Variants in NEDD9 observed in about 807,000 individuals in gnomAD.
NEDD9 encodes enhancer of filamentation 1.
NEDD9 carries 26 observed loss-of-function variants against 76.6 expected under a neutral mutation model. That is an observed-to-expected ratio of 0.34 (90% confidence interval 0.25 to 0.47). NEDD9 has a LOEUF of 0.47. Among genes scored for constraint, NEDD9 ranks in the 20% least tolerant of loss-of-function variants. The pLI, the probability that NEDD9 is intolerant of heterozygous loss-of-function variation, is 1.00. For missense variants in NEDD9, 937 were observed against 1,058.5 expected (o/e 0.89, Z 1.59); for synonymous variants, 392 against 414.2 (o/e 0.95, Z 0.65).
chr6:11,278,705 C>T (rs1217842818), intron 3 of NEDD9, among the ~76,000 whole-genome samples: 1 of 152,240 alleles, frequency 6.6e-6, no homozygotes, highest in Admixed American at 6.5e-5. Context: ...CTACTCAACA[C>T]AGTCACCTGG....
Position 11,190,822 on chromosome 6 carries a change from C to CA in NEDD9, c.1046dup (p.His350AlafsTer2). ...AGCCTTTAGCATCTGGCGGGTTATG[C>CA]AGAGGGACATCATAAACACCATCCC... is the stretch of plus-strand genomic sequence containing the variant. On this transcript the variant is annotated frameshift_variant, in exon 5 of 7. Transcript: ENST00000379446. LOFTEE classifies it high-confidence loss of function. This position sits in a 1 kb window ranked among gnomAD's most constrained non-coding sequence, Gnocchi z 5.8. 1 of 1,614,142 alleles carries CA rather than the reference C, an allele frequency of 6.2e-7. No homozygotes were observed.
At chr6:11,362,252 C>T (rs1762692207) in intron 1 of NEDD9, among the ~76,000 whole-genome samples, 1 of 152,192 alleles carries the variant, frequency 6.6e-6, no homozygotes, top group Non-Finnish European at 1.5e-5. Context: ...CCTCAACAGG[C>T]ACCCTATTTC....
At chr6:11,319,907 C>A (rs965014398) in intron 2 of NEDD9, among the ~76,000 whole-genome samples, 36 of 152,374 alleles carry the variant, frequency 2.4e-4, no homozygotes, top group African/African-American at 8.4e-4. Flanking sequence ...CTGTCTCCAA[C>A]TGTGAATTTG....
rs142694255 is a variant in NEDD9, at chr6:11,343,490, C to A, written c.-213-8929G>T. 2.4e-3 allele frequency among the ~76,000 whole-genome samples: 363 copies of A among 152,046 alleles called. 2 individuals are homozygous for A. The highest frequency in any genetic ancestry group is 4.1e-3 in the Non-Finnish European group (278 of 67,990). ...CCTGAGTACCCTATTTAAAACTGCACCCCACTACTCCACTACTCCCTAGCA... is the reference window on the plus strand; with the variant it reads ...CCTGAGTACCCTATTTAAAACTGCAACCCACTACTCCACTACTCCCTAGCA... On this transcript the variant is annotated intron_variant, in intron 1 of 3. Transcript: ENST00000397378.
chr6:11,259,643 A>G (rs1289524050), intron 3 of NEDD9, among the ~76,000 whole-genome samples: 1 of 152,212 alleles, frequency 6.6e-6, no homozygotes, highest in Non-Finnish European at 1.5e-5. Context: ...CCTTACAAAA[A>G]CAAATAATAC....
intron 3 of NEDD9, among the ~76,000 whole-genome samples, chr6:11,239,215 T>G (rs536317281): frequency 1.3e-5 from 2 of 152,300 alleles, no homozygotes; most frequent in South Asian, 4.1e-4. Flanking sequence ...TAGTCAGTTT[T>G]ATGTATATAA....
At chr6:11,333,677 A>G in intron 2 of NEDD9, among the ~76,000 whole-genome samples, 1 of 152,198 alleles carries the variant, frequency 6.6e-6, no homozygotes, top group East Asian at 1.9e-4. Context: ...GAGAATGCTC[A>G]CCAGGTGTGG....
chr6:11,355,327 A>G (rs2113541506), intron 1 of NEDD9, among the ~76,000 whole-genome samples: 1 of 152,310 alleles, frequency 6.6e-6, no homozygotes, highest in Non-Finnish European at 1.5e-5. Context: ...TTTAGTAAGA[A>G]CTTCTCAAGG....
chr6:11,244,069 A>T (rs192359121), intron 3 of NEDD9, among the ~76,000 whole-genome samples: 3 of 152,264 alleles, frequency 2.0e-5, no homozygotes, highest in Admixed American at 2.0e-4. Context: ...GCCTCATCTA[A>T]TCAGATGAAG....
At chr6:11,321,594 A>C (rs1331386911) in intron 2 of NEDD9, among the ~76,000 whole-genome samples, 3 of 152,226 alleles carry the variant, frequency 2.0e-5, no homozygotes, top group Non-Finnish European at 4.4e-5. Flanking sequence ...ACTAGACCTG[A>C]ACCTCAGGAG....
intron 1 of NEDD9, among the ~76,000 whole-genome samples, chr6:11,362,055 T>C (rs1375787802): frequency 1.3e-5 from 2 of 152,200 alleles, no homozygotes; most frequent in Non-Finnish European, 2.9e-5. Flanking sequence ...ATTTATATGT[T>C]GAAGTCCCAA....
chr6:11,299,266 C>G (rs7770716), intron 3 of NEDD9, among the ~76,000 whole-genome samples: 19 of 152,152 alleles, frequency 1.2e-4, no homozygotes, highest in South Asian at 4.1e-4. Context: ...CGACCTGCAA[C>G]GCTGCAGCTT....
At chr6:11,368,054 T>A (rs1228996932) in intron 1 of NEDD9, among the ~76,000 whole-genome samples, 2 of 152,206 alleles carry the variant, frequency 1.3e-5, no homozygotes, top group Non-Finnish European at 1.5e-5. Flanking sequence ...AGGCTGGTTC[T>A]GTGCTTGCCA....
chr6:11,272,850 G>A (rs114580271), intron 3 of NEDD9, among the ~76,000 whole-genome samples: 252 of 152,274 alleles, frequency 1.7e-3, no homozygotes, highest in Non-Finnish European at 3.3e-3. Context: ...CAAACGGAGC[G>A]TTGTTTACCC....
At chr6:11,375,437 A>C (rs1762955282) in intron 1 of NEDD9, among the ~76,000 whole-genome samples, 1 of 152,168 alleles carries the variant, frequency 6.6e-6, no homozygotes, top group Admixed American at 6.5e-5. Context: ...TGACTAACAA[A>C]ATTTTAAGAC....
intron 5 of NEDD9, 60 bp downstream of exon 5, chr6:11,189,904 C>T: frequency 6.7e-7 from 1 of 1,493,296 alleles, no homozygotes. Context: ...TTATAGGCAT[C>T]TTTCTCAGGC....
chr6:11,275,545 T>TACAC (rs71550763), intron 3 of NEDD9, among the ~76,000 whole-genome samples: 66 of 149,822 alleles, frequency 4.4e-4, no homozygotes, highest in African/African-American at 1.2e-3. Context: ...AATACATACA[T>TACAC]ACACACACAC....
At chr6:11,218,555 G>T (rs1247175753) in intron 1 of NEDD9, among the ~76,000 whole-genome samples, 1 of 152,132 alleles carries the variant, frequency 6.6e-6, no homozygotes, top group Admixed American at 6.5e-5. Context: ...TAAGTTCAGA[G>T]ATGCAAATTC....
upstream of NEDD9, among the ~76,000 whole-genome samples, chr6:11,236,702 A>C (rs1396619747): frequency 1.3e-5 from 2 of 152,006 alleles, no homozygotes. This position sits in a 1 kb window ranked among gnomAD's most constrained non-coding sequence, Gnocchi z 5.5. Context: ...TATTCTAATG[A>C]TTTCTTTTTA....
Sources: gnomAD v4.1 joint callset for allele counts (sites outside exome capture counted in the v4.1 genomes callset) on GRCh38, gnomAD v4.1.1 for gene constraint, Gnocchi (gnomAD v3.1) non-coding constraint, MANE v1.5 for transcripts, NCBI Gene and HGNC (gene_info 2026-07-23, HGNC 2026-07-21) for gene names.